The following CWC22 variants were observed in gnomAD, a reference collection of about 807,000 sequenced individuals.
CWC22 encodes the protein CWC22 spliceosome associated protein, also known as pre-mRNA-splicing factor CWC22 homolog.
A neutral mutation model predicts 117.2 loss-of-function variants in CWC22; 53 were observed. That is an observed-to-expected ratio of 0.45 (90% confidence interval 0.36 to 0.57). The LOEUF (loss-of-function observed/expected upper bound fraction) is 0.57. Among genes scored for constraint, CWC22 ranks in the 20% least tolerant of loss-of-function variants. The pLI is 0.00. For synonymous variants in CWC22, 360 were observed against 355.6 expected (o/e 1.01, Z -0.14); for missense variants, 980 against 1,068.8 (o/e 0.92, Z 1.16).
chr2:179,961,374 A>G (rs1228766371), intron 13 of CWC22, among the ~76,000 whole-genome samples: 2 of 151,956 alleles, frequency 1.3e-5, no homozygotes, highest in East Asian at 1.9e-4. Context: ...CTCAGCTTCT[A>G]TTACTTAGAG....
intron 13 of CWC22, among the ~76,000 whole-genome samples, chr2:179,962,451 G>C (rs1356593847): frequency 1.3e-5 from 2 of 152,036 alleles, no homozygotes; most frequent in African/African-American, 4.8e-5. Context: ...ATTACTTCTA[G>C]AATCTGCCTA....
intron 17 of CWC22, among the ~76,000 whole-genome samples, chr2:179,951,152 G>A (rs925205072): frequency 6.6e-6 from 1 of 151,150 alleles, no homozygotes; most frequent in African/African-American, 2.4e-5. Context: ...CAATGTAGGA[G>A]GTTTTTAAAA....
At chr2:179,953,874 G>A (rs1686517122) in intron 16 of CWC22, among the ~76,000 whole-genome samples, 1 of 152,040 alleles carries the variant, frequency 6.6e-6, no homozygotes, top group African/African-American at 2.4e-5. Context: ...CACCAAAATA[G>A]TGGCATATGT....
intron 16 of CWC22, among the ~76,000 whole-genome samples, 155 bp from the exon 17 acceptor site, chr2:179,952,753 A>G (rs952977536): frequency 6.6e-6 from 1 of 152,174 alleles, no homozygotes; most frequent in Non-Finnish European, 1.5e-5. Flanking sequence ...ATGCTGACAT[A>G]AAGTTTAAAA....
At chr2:179,952,450 A>T (rs1034002792) in intron 17 of CWC22, 21 bp downstream of exon 17, 4 of 1,544,224 alleles carry the variant, frequency 2.6e-6, no homozygotes, top group Non-Finnish European at 3.5e-6. Context: ...AAGAATAAAA[A>T]GTGCTTAATG....
At chr2:179,973,353 A>C (rs1320434838) in intron 7 of CWC22, 107 bp from the exon 8 acceptor site, 2 of 757,904 alleles carry the variant, frequency 2.6e-6, no homozygotes, top group Non-Finnish European at 4.4e-6. Context: ...GTACCACACA[A>C]GTATAATTTT....
At chr2:179,968,111 ATTAATG>A (rs1686938913) in intron 11 of CWC22, among the ~76,000 whole-genome samples, 1 of 152,212 alleles carries the variant, frequency 6.6e-6, no homozygotes, top group Non-Finnish European at 1.5e-5. Context: ...TCTTGATAAT[ATTAATG>A]TTAACATTTA....
At chr2:179,989,943 T>C (rs1249907650) in intron 2 of CWC22, among the ~76,000 whole-genome samples, 3 of 152,186 alleles carry the variant, frequency 2.0e-5, no homozygotes, top group Admixed American at 6.5e-5. Flanking sequence ...AGAAAGGATA[T>C]ATTTTAAAAA....
chr2:179,967,786 T>C (rs1686929908), intron 11 of CWC22, among the ~76,000 whole-genome samples: 1 of 152,194 alleles, frequency 6.6e-6, no homozygotes, highest in Non-Finnish European at 1.5e-5. Flanking sequence ...GAAAACCACT[T>C]GTGTGACTGC....
chr2:179,994,344 A>G (rs1687646828), intron 1 of CWC22, among the ~76,000 whole-genome samples: 1 of 152,232 alleles, frequency 6.6e-6, no homozygotes, highest in South Asian at 2.1e-4. Flanking sequence ...CAGAAAGGGT[A>G]TAACAGATTA....
intron 1 of CWC22, among the ~76,000 whole-genome samples, chr2:179,998,346 T>A (rs1256900406): frequency 2.0e-5 from 3 of 152,138 alleles, no homozygotes; most frequent in African/African-American, 7.2e-5. Flanking sequence ...ATGGCCACAA[T>A]TTATAATCAC....
intron 5 of CWC22, among the ~76,000 whole-genome samples, chr2:179,980,444 GTC>G (rs1687258392): frequency 7.3e-6 from 1 of 136,580 alleles, no homozygotes; most frequent in Admixed American, 7.9e-5. Context: ...TTGAGGCAGA[GTC>G]TCTCTCTGTT....
chr2:179,989,513 GT>G (rs1324057158), intron 2 of CWC22, among the ~76,000 whole-genome samples: 1 of 152,118 alleles, frequency 6.6e-6, no homozygotes, highest in Non-Finnish European at 1.5e-5. Flanking sequence ...CATCAATTGA[GT>G]GTCTGATATG....
chr2:179,998,089 C>A (rs1472904273), intron 1 of CWC22, among the ~76,000 whole-genome samples: 2 of 152,058 alleles, frequency 1.3e-5, no homozygotes, highest in Non-Finnish European at 2.9e-5. Context: ...GAAAGTATTC[C>A]CAAGGTAACT....
At chr2:179,980,330 A>G (rs530916656) in intron 5 of CWC22, among the ~76,000 whole-genome samples, 1 of 152,312 alleles carries the variant, frequency 6.6e-6, no homozygotes, top group Non-Finnish European at 1.5e-5. Flanking sequence ...TTTGAATTTA[A>G]TGTCACCAAA....
At chr2:179,958,546 T>G (rs967501338) in intron 14 of CWC22, among the ~76,000 whole-genome samples, 4 of 135,728 alleles carry the variant, frequency 2.9e-5, no homozygotes, top group East Asian at 4.0e-4. Context: ...AAACATTATG[T>G]TTTTTTTTTT....
At chr2:179,975,018 G>A (rs974686409) in intron 6 of CWC22, among the ~76,000 whole-genome samples, 2 of 152,192 alleles carry the variant, frequency 1.3e-5, no homozygotes, top group African/African-American at 4.8e-5. Context: ...TAGGATTACA[G>A]GCTAGGATTA....
At chr2:179,970,877 A>G in intron 9 of CWC22, 21 bp from the exon 10 acceptor site, 1 of 1,609,524 alleles carries the variant, frequency 6.2e-7, no homozygotes, top group Non-Finnish European at 8.5e-7. Flanking sequence ...ACAGAAAGAA[A>G]AGACAATAAA....
At chr2:179,995,201 C>T (rs1320628859) in intron 1 of CWC22, among the ~76,000 whole-genome samples, 2 of 152,188 alleles carry the variant, frequency 1.3e-5, no homozygotes, top group Non-Finnish European at 2.9e-5. Context: ...CCTTATTATG[C>T]CCACAACTAT....
Sources: gnomAD v4.1 joint callset for allele counts (sites outside exome capture counted in the v4.1 genomes callset) on GRCh38, gnomAD v4.1.1 for gene constraint, MANE v1.5 for transcripts, NCBI Gene and HGNC (gene_info 2026-07-23, HGNC 2026-07-21) for gene names.